Variants in ADAMTSL1 observed in about 807,000 individuals in gnomAD.
The protein encoded by ADAMTSL1 is ADAMTS-like protein 1.
Under a neutral mutation model 201.8 loss-of-function variants are expected in ADAMTSL1, and 126 were observed. That is an observed-to-expected ratio of 0.62 (90% CI 0.54 to 0.72). The LOEUF (loss-of-function observed/expected upper bound fraction) is 0.72. Among genes scored for constraint, ADAMTSL1 ranks in the 30% least tolerant of loss-of-function variants. ADAMTSL1 has a pLI of 0.00. For missense variants in ADAMTSL1, 2,679 were observed against 2,277.8 expected, an observed-to-expected ratio of 1.18 and a Z score of -3.59; for synonymous variants, 1,121 against 903.4, an observed-to-expected ratio of 1.24 and a Z score of -4.32.
intron 19 of ADAMTSL1, among the ~76,000 whole-genome samples, chr9:18,781,632 G>C (rs1267595201): frequency 1.3e-5 from 2 of 152,122 alleles, no homozygotes; most frequent in Non-Finnish European, 2.9e-5. Context: ...TACTATGTCT[G>C]GTAGTGGTTC....
chr9:18,235,655 C>T (rs535897643), intron 2 of ADAMTSL1, among the ~76,000 whole-genome samples: 28 of 152,218 alleles, frequency 1.8e-4, no homozygotes, highest in African/African-American at 6.5e-4. Flanking sequence ...GTGGGGAAAA[C>T]CCCACCCATG....
chr9:18,201,962 C>A (rs908829191), intron 2 of ADAMTSL1, among the ~76,000 whole-genome samples: 1 of 152,098 alleles, frequency 6.6e-6, no homozygotes, highest in African/African-American at 2.4e-5. Flanking sequence ...TCTCAAATAT[C>A]ATGCATTAAA....
At chr9:18,300,382 G>A (rs374862328) in intron 2 of ADAMTSL1, among the ~76,000 whole-genome samples, 3 of 150,274 alleles carry the variant, frequency 2.0e-5, no homozygotes, top group Admixed American at 6.7e-5. Context: ...AACACCGCAC[G>A]TCCTCACTCA....
At chr9:18,771,242 G>T (rs747537984) in intron 17 of ADAMTSL1, among the ~76,000 whole-genome samples, 3 of 152,158 alleles carry the variant, frequency 2.0e-5, no homozygotes, top group Non-Finnish European at 4.4e-5. Flanking sequence ...AGGAAAAGAA[G>T]GCCAAGGAAA....
chr9:18,797,316 A>G (rs1822483351), intron 20 of ADAMTSL1, among the ~76,000 whole-genome samples: 1 of 152,202 alleles, frequency 6.6e-6, no homozygotes, highest in African/African-American at 2.4e-5. Flanking sequence ...TTAAGACTGT[A>G]TTTGTACCCT....
In ADAMTSL1 at chr9:18,052,997, C is replaced by A. The variant is rs58254408; in HGVS notation, c.88-110865C>A. Among the ~76,000 whole-genome samples, 999 of 152,248 alleles carry A rather than the reference C, an allele frequency of 6.6e-3. 16 individuals carry two copies. The highest frequency in any genetic ancestry group is 0.023 in the African/African-American group (955 of 41,550). On this transcript the variant is annotated intron_variant, in intron 1 of 29. Transcript: ENST00000680146. ...GTTTCATCCTTTCTGTTTCCTCAAT[C>A]TTTAAAGTAAACTTGAGGGCAATGT...
At chr9:18,380,056 TCTTTCTTTATC>T (rs1837486489) in intron 2 of ADAMTSL1, among the ~76,000 whole-genome samples, 1 of 152,224 alleles carries the variant, frequency 6.6e-6, no homozygotes, top group African/African-American at 2.4e-5. Flanking sequence ...TTTTCCTCAT[TCTTTCTTTATC>T]CTTGCTGTCT....
At chr9:17,999,174 A>T (rs535806402) in intron 1 of ADAMTSL1, among the ~76,000 whole-genome samples, 1 of 152,134 alleles carries the variant, frequency 6.6e-6, no homozygotes, top group Non-Finnish European at 1.5e-5. Flanking sequence ...GAACACAAAG[A>T]TAATATACAA....
intron 1 of ADAMTSL1, among the ~76,000 whole-genome samples, chr9:18,036,732 T>C (rs914949518): frequency 1.3e-5 from 2 of 152,176 alleles, no homozygotes; most frequent in Non-Finnish European, 2.9e-5. Context: ...TTTCCTCTAA[T>C]TATGTGTTAA....
At position 18,706,918 on chromosome 9, in the gene ADAMTSL1, A is replaced by T; in HGVS notation, c.1746A>T (p.Pro582=). The T allele has an allele frequency of 6.2e-7, 1 of 1,613,998 alleles. No individual in the cohort carries two copies. Among genetic ancestry groups the T allele is most frequent in the Non-Finnish European group, 8.5e-7 (1 of 1,179,884 alleles). ...PASQRACYAG[P]CSGEIPEFNP... ...CCCAGCGTGCCTGTTATGCAGGCCC[A>T]TGCAGCGGGGAAATTCCTGAGTTCA... Residue 582 remains proline, a synonymous_variant, in exon 14 of 29, where the codon CCA becomes CCT. Coordinates refer to ENST00000380548, the MANE Select transcript of ADAMTSL1 (RefSeq NM_001040272.6).
intron 4 of ADAMTSL1, among the ~76,000 whole-genome samples, chr9:18,581,865 CT>C (rs1291400242): frequency 6.6e-6 from 1 of 152,204 alleles, no homozygotes; most frequent in Non-Finnish European, 1.5e-5. Context: ...CAGCCCTTCC[CT>C]CTCAGCTCAA....
intron 2 of ADAMTSL1, among the ~76,000 whole-genome samples, chr9:18,226,846 T>A (rs1830449498): frequency 6.6e-6 from 1 of 152,150 alleles, no homozygotes; most frequent in Admixed American, 6.6e-5. Flanking sequence ...ATAATAGTAA[T>A]GAATAATAAT....
chr9:18,309,341 A>G (rs1054345290), intron 2 of ADAMTSL1, among the ~76,000 whole-genome samples: 1 of 152,134 alleles, frequency 6.6e-6, no homozygotes, highest in Non-Finnish European at 1.5e-5. Context: ...GGCCAGGGCA[A>G]TCAGGCAAGA....
chr9:18,125,287 C>T (rs1825686195), intron 1 of ADAMTSL1, among the ~76,000 whole-genome samples: 1 of 152,090 alleles, frequency 6.6e-6, no homozygotes, highest in Admixed American at 6.5e-5. Context: ...TGGTGAGACT[C>T]ATTCACTACC....
At chr9:18,440,459 T>G (rs1248760236) in intron 2 of ADAMTSL1, among the ~76,000 whole-genome samples, 3 of 151,798 alleles carry the variant, frequency 2.0e-5, no homozygotes, top group Non-Finnish European at 1.5e-5. Flanking sequence ...GCTCATTCAA[T>G]AAGCACAAGA....
At chr9:18,041,019 T>C (rs1821405658) in intron 1 of ADAMTSL1, among the ~76,000 whole-genome samples, 3 of 152,218 alleles carry the variant, frequency 2.0e-5, no homozygotes, top group Non-Finnish European at 4.4e-5. Flanking sequence ...AAAATGCTTA[T>C]TGATATTTAC....
At chr9:18,880,734 G>A (rs1013502757) in intron 23 of ADAMTSL1, among the ~76,000 whole-genome samples, 1 of 152,128 alleles carries the variant, frequency 6.6e-6, no homozygotes, top group Non-Finnish European at 1.5e-5. Flanking sequence ...AAGTCACCAG[G>A]TGCATTATCC....
chr9:18,841,763 T>C (rs1825731287), intron 23 of ADAMTSL1, among the ~76,000 whole-genome samples: 1 of 152,198 alleles, frequency 6.6e-6, no homozygotes, highest in Non-Finnish European at 1.5e-5. Flanking sequence ...GGTTTAGTCT[T>C]GGGAGGGTGT....
chr9:18,680,275 T>G (rs761025356), intron 10 of ADAMTSL1, 37 bp from the exon 11 acceptor site: 4 of 1,598,176 alleles, frequency 2.5e-6, no homozygotes, highest in Non-Finnish European at 3.4e-6. Flanking sequence ...CTTAGCAATG[T>G]GCATGTCTGC....
Sources: allele counts gnomAD v4.1 joint callset (sites outside exome capture counted in the v4.1 genomes callset), GRCh38; gene constraint gnomAD v4.1.1; transcripts MANE v1.5; gene names NCBI Gene and HGNC (gene_info 2026-07-23, HGNC 2026-07-21).